CNKSR3: variants seen among roughly 807,000 people sequenced by gnomAD.
The protein encoded by CNKSR3 is CNKSR family member 3, also known as connector enhancer of kinase suppressor of ras 3.
CNKSR3 carries 36 observed loss-of-function variants against 67.7 expected under a neutral mutation model. The observed-to-expected ratio is 0.53, with a 90% confidence interval of 0.41 to 0.70. CNKSR3 has a LOEUF of 0.70. Ranked by LOEUF, CNKSR3 falls within the 30% of genes least tolerant of loss-of-function variation. The pLI, the probability that CNKSR3 is intolerant of heterozygous loss-of-function variation, is 0.00. For synonymous variants in CNKSR3, 281 were observed against 271.4 expected (o/e 1.04, Z -0.35); for missense variants, 630 against 695.2 (o/e 0.91, Z 1.05).
At chr6:154,486,602 C>T (rs2114644505) in intron 1 of CNKSR3, among the ~76,000 whole-genome samples, 1 of 150,172 alleles carries the variant, frequency 6.7e-6, no homozygotes, top group East Asian at 1.9e-4. Flanking sequence ...CAGCAATTCT[C>T]CTGCCTCAGC....
chr6:154,441,645 A>G (rs1785590002), intron 3 of CNKSR3, among the ~76,000 whole-genome samples: 1 of 152,174 alleles, frequency 6.6e-6, no homozygotes, highest in South Asian at 2.1e-4. Flanking sequence ...CACCAAGCCC[A>G]GCTAAATTTT....
At chr6:154,501,876 G>A (rs111582366) in intron 1 of CNKSR3, among the ~76,000 whole-genome samples, 4 of 152,124 alleles carry the variant, frequency 2.6e-5, no homozygotes, top group African/African-American at 9.7e-5. Context: ...AGAACAGGGG[G>A]AAAGCGTCCA....
intron 1 of CNKSR3, among the ~76,000 whole-genome samples, chr6:154,462,027 T>C (rs73794104): frequency 0.013 from 1,933 of 152,272 alleles, 40 homozygotes; most frequent in African/African-American, 0.044. Context: ...ATGGAGCAGG[T>C]TTGCCAGGCA....
rs1784791435 is a variant in CNKSR3, at chr6:154,406,467, A to G, written c.1555T>C (p.Phe519Leu). The G allele has an allele frequency of 6.2e-7, 1 of 1,614,074 alleles. No individual in the cohort carries two copies. The highest frequency in any genetic ancestry group is 1.3e-5 in the African/African-American group (1 of 74,908). The stretch of plus-strand genomic sequence containing the variant: ...TTCTTTTTGGTCCCTTCCTCCTGGA[A>G]TGGAATCGTGGCGCTGCTGTGGAGA... ...SDLHSSATIPFQEEGTKKKSG... is the reference protein window; with the variant it reads ...SDLHSSATIPLQEEGTKKKSG... Residue 519 changes from phenylalanine (F) to leucine (L), a missense_variant, in exon 13 of 13, where the codon TTC (phenylalanine) becomes CTC (leucine). By Grantham distance (22) the Phe-to-Leu change is conservative. Transcript: ENST00000607772.
intron 1 of CNKSR3, among the ~76,000 whole-genome samples, chr6:154,504,276 C>A (rs1787053682): frequency 1.3e-5 from 2 of 152,342 alleles, no homozygotes; most frequent in South Asian, 4.1e-4. Context: ...GCAAGTTCTG[C>A]CCCGGATCCT....
At chr6:154,407,408 G>C (rs973787870) in intron 12 of CNKSR3, among the ~76,000 whole-genome samples, 1 of 152,150 alleles carries the variant, frequency 6.6e-6, no homozygotes, top group Non-Finnish European at 1.5e-5. Flanking sequence ...GTACACTTTG[G>C]TAACATGTAG....
intron 4 of CNKSR3, among the ~76,000 whole-genome samples, chr6:154,438,050 C>T (rs761213656): frequency 6.6e-6 from 1 of 152,274 alleles, no homozygotes; most frequent in Non-Finnish European, 1.5e-5. Context: ...CCCGCCTCGG[C>T]CTCCCAAAGT....
rs1026245432 is a variant in CNKSR3 at position 154,392,233 on chromosome 6, T to G, written c.*14121A>C. The G allele has an allele frequency of 6.6e-6, 1 of 151,694 alleles. No homozygotes were observed. The highest frequency in any genetic ancestry group is 2.4e-5 in the African/African-American group (1 of 41,248). 9.4% of individuals were successfully genotyped at this position (151,694 alleles called of 1,614,324 possible). ...TCAAAAAAAAAAAAAGAGTGTACCA[T>G]TATATGTTGTCTTCTGATGCTTTTT... On this transcript the variant is annotated 3_prime_UTR_variant, in exon 13 of 13. Transcript: ENST00000607772.
intron 1 of CNKSR3, among the ~76,000 whole-genome samples, chr6:154,500,671 T>C (rs1786978341): frequency 6.6e-6 from 1 of 152,244 alleles, no homozygotes; most frequent in Non-Finnish European, 1.5e-5. Flanking sequence ...ATGGGAGCTA[T>C]AGTTTCTAAA....
chr6:154,499,518 G>C (rs1016587454), intron 1 of CNKSR3, among the ~76,000 whole-genome samples: 3 of 152,352 alleles, frequency 2.0e-5, no homozygotes, highest in African/African-American at 4.8e-5. Flanking sequence ...AATGGTGACA[G>C]GATGTTGAGA....
chr6:154,490,562 G>A (rs947739548), intron 1 of CNKSR3, among the ~76,000 whole-genome samples: 2 of 152,148 alleles, frequency 1.3e-5, no homozygotes, highest in African/African-American at 4.8e-5. Context: ...TACACACACA[G>A]TTCCTCCACA....
chr6:154,414,276 C>T (rs755432842), intron 10 of CNKSR3, 23 bp downstream of exon 10: 2 of 1,558,888 alleles, frequency 1.3e-6, no homozygotes, highest in Non-Finnish European at 1.7e-6. Flanking sequence ...ACAAGCATAC[C>T]ATGACAATGG....
chr6:154,508,606 C>T (rs535184218), intron 1 of CNKSR3, among the ~76,000 whole-genome samples: 116 of 152,300 alleles, frequency 7.6e-4, no homozygotes, highest in Non-Finnish European at 1.4e-3. Context: ...TTCAAGCTAG[C>T]GTGGGCATGG....
rs1784698238 is a variant in CNKSR3, at chr6:154,399,907, G to A, written c.*6447C>T. Reference sequence around the variant, plus strand: ...TCCTCCCCTTTAATGGGTCTAGTCAGTGGAAGAACATTTCTCTCATTTTAA... The same window carrying A: ...TCCTCCCCTTTAATGGGTCTAGTCAATGGAAGAACATTTCTCTCATTTTAA... On this transcript the variant is annotated 3_prime_UTR_variant, in exon 13 of 13. Coordinates refer to ENST00000607772, the MANE Select transcript of CNKSR3 (RefSeq NM_173515.4). The A allele has an allele frequency of 6.6e-6, 1 of 152,096 alleles. No individual in the cohort carries two copies. The highest frequency in any genetic ancestry group is 1.5e-5 in the Non-Finnish European group (1 of 68,042). The allele number at this position is 152,096 out of a possible 1,614,324, so 9.4% of individuals were successfully genotyped here. A position where few individuals can be genotyped will look rare whatever the true frequency, so the allele number is the denominator to read the frequency against.
At chr6:154,479,278 T>C (rs967786245) in intron 1 of CNKSR3, among the ~76,000 whole-genome samples, 3 of 152,136 alleles carry the variant, frequency 2.0e-5, no homozygotes, top group African/African-American at 4.8e-5. Flanking sequence ...GTTTCCATTC[T>C]GTTTTCAATG....
rs543076677 is a variant in CNKSR3, at chr6:154,416,832, T to C, written c.946-2409A>G. ...AACACCTGGTAACTAAGCTATAAAA[T>C]GGTGTCTGCATTTTGATGGTAATTA... On this transcript the variant is annotated intron_variant, in intron 9 of 12. Transcript: ENST00000607772. Among the ~76,000 whole-genome samples the C allele has an allele frequency of 2.0e-5, 3 of 152,294 alleles. No individual in the cohort carries two copies. In the East Asian group the frequency reaches 5.8e-4, roughly 29 times the overall value.
rs753619526 is a variant in CNKSR3, at chr6:154,410,357, C to T, written c.1355G>A (p.Gly452Asp). 3.1e-6 allele frequency: 5 copies of T among 1,613,718 alleles called. No homozygotes were observed. Among genetic ancestry groups the T allele is most frequent in the Non-Finnish European group, 4.2e-6 (5 of 1,179,774 alleles). ...ATGAAACGTACCTTTCCTGCCATGA[C>T]CTCGAGGTCTGGCAAAAGGGTCCAC... ...GIVDPFARPRGHGRKGEDALC... is the reference protein window; with the variant it reads ...GIVDPFARPRDHGRKGEDALC... The change falls in exon 12 of 13, where the codon GGT (glycine) becomes GAT (aspartate). Residue 452 changes from glycine (G) to aspartate (D), a missense_variant. Gly to Asp is a moderately conservative substitution (Grantham distance 94). Around this residue, in one of 3 missense-constraint regions of CNKSR3, gnomAD observed 308 missense variants for 299.6 expected, o/e 1.03. Transcript: ENST00000607772.
rs2128709000 is a variant in CNKSR3 at position 154,399,210 on chromosome 6, C to T, written c.*7144G>A. 1 of 152,298 alleles carries T rather than the reference C, an allele frequency of 6.6e-6. No individual in the cohort carries two copies. Among genetic ancestry groups the T allele is most frequent in the East Asian group, 1.9e-4 (1 of 5,174 alleles). 9.4% of individuals were successfully genotyped at this position (152,298 alleles called of 1,614,324 possible). A position where few individuals can be genotyped will look rare whatever the true frequency, so the allele number is the denominator to read the frequency against. ...CTAGGCCACTGACCACACTGCAGCC[C>T]TCTGACAGTGTCACACTGGCATTAT... On this transcript the variant is annotated 3_prime_UTR_variant, in exon 13 of 13. Transcript: ENST00000607772.
At chr6:154,504,917 A>G (rs192427508) in intron 1 of CNKSR3, among the ~76,000 whole-genome samples, 1 of 151,862 alleles carries the variant, frequency 6.6e-6, no homozygotes, top group Non-Finnish European at 1.5e-5. Context: ...GTCTGCCAAG[A>G]TAATAAGTGC....
Sources: gnomAD v4.1 joint callset for allele counts (sites outside exome capture counted in the v4.1 genomes callset) on GRCh38, gnomAD v4.1.1 for gene constraint, gnomAD v4.1.1 regional missense constraint, MANE v1.5 for transcripts, NCBI Gene and HGNC (gene_info 2026-07-23, HGNC 2026-07-21) for gene names.